Variants in NXPH1 observed in about 807,000 individuals in gnomAD.
The protein encoded by NXPH1 is neurexophilin 1.
In NXPH1, 5 loss-of-function variants were observed where a neutral mutation model predicts 23.7. The observed-to-expected ratio is 0.21, with a 90% CI of 0.11 to 0.44. NXPH1 has a LOEUF of 0.44. Ranked by LOEUF, NXPH1 falls within the 20% of genes least tolerant of loss-of-function variation. The pLI, the probability that NXPH1 is intolerant of heterozygous loss-of-function variation, is 0.99. For missense variants in NXPH1, 324 were observed against 321.6 expected (o/e 1.01, Z -0.06); for synonymous variants, 144 against 122.2 (o/e 1.18, Z -1.18).
chr7:8,721,185 A>ATT (rs1465296681), intron 2 of NXPH1, among the ~76,000 whole-genome samples: 1 of 152,202 alleles, frequency 6.6e-6, no homozygotes, highest in East Asian at 1.9e-4. Flanking sequence ...TTAAGGGTAA[A>ATT]TGGGCATGGT....
intron 2 of NXPH1, among the ~76,000 whole-genome samples, chr7:8,512,221 A>G (rs1817623360): frequency 6.6e-6 from 1 of 152,158 alleles, no homozygotes; most frequent in Non-Finnish European, 1.5e-5. Flanking sequence ...GCAAAGAATC[A>G]TGTGATAATC....
chr7:8,653,438 T>C (rs989714965), intron 2 of NXPH1, among the ~76,000 whole-genome samples: 3 of 152,196 alleles, frequency 2.0e-5, no homozygotes, highest in African/African-American at 4.8e-5. Flanking sequence ...TCGTAAGCTC[T>C]GGACAGAGAA....
chr7:8,641,723 A>T (rs765327867), intron 2 of NXPH1, among the ~76,000 whole-genome samples: 1 of 152,136 alleles, frequency 6.6e-6, no homozygotes, highest in Non-Finnish European at 1.5e-5. Flanking sequence ...TAATAGTTAC[A>T]TCTCATTTTA....
chr7:8,591,761 A>C (rs958028056), intron 2 of NXPH1, among the ~76,000 whole-genome samples: 1 of 151,904 alleles, frequency 6.6e-6, no homozygotes, highest in Admixed American at 6.6e-5. Flanking sequence ...TTTGTTGCTG[A>C]CAATTTTGAA....
chr7:8,654,491 A>G (rs1820542061), intron 2 of NXPH1, among the ~76,000 whole-genome samples: 1 of 152,204 alleles, frequency 6.6e-6, no homozygotes, highest in South Asian at 2.1e-4. Context: ...ATTATCATAT[A>G]GTGTCACAAT....
intron 2 of NXPH1, among the ~76,000 whole-genome samples, chr7:8,571,903 G>T (rs996837149): frequency 6.6e-6 from 1 of 151,304 alleles, no homozygotes; most frequent in Non-Finnish European, 1.5e-5. Context: ...AAAACACTTG[G>T]TTTGGAAGGA....
chr7:8,591,065 G>A lies in NXPH1; in HGVS notation c.54+155298G>A, dbSNP rs180878444. Among the ~76,000 whole-genome samples, 318 of 152,170 alleles carry A rather than the reference G, an allele frequency of 2.1e-3. 3 individuals are homozygous for A. Among genetic ancestry groups the A allele is most frequent in the African/African-American group, 7.2e-3 (299 of 41,550 alleles). ...CCAGGGAATAGCTTAGTTTAGAACAGCGTAAGAAAAGCAGAGAGGAGAAAA... is the reference window on the plus strand; with the variant it reads ...CCAGGGAATAGCTTAGTTTAGAACAACGTAAGAAAAGCAGAGAGGAGAAAA... On this transcript the variant is annotated intron_variant, in intron 2 of 2. Transcript: ENST00000405863.
At chr7:8,727,818 C>A (rs546281016) in intron 2 of NXPH1, among the ~76,000 whole-genome samples, 1 of 151,884 alleles carries the variant, frequency 6.6e-6, no homozygotes, top group Admixed American at 6.6e-5. Flanking sequence ...CTTGGTGATG[C>A]GGGCTCTTTT....
intron 2 of NXPH1, among the ~76,000 whole-genome samples, chr7:8,625,306 A>G (rs1242068860): frequency 6.6e-6 from 1 of 152,112 alleles, no homozygotes; most frequent in African/African-American, 2.4e-5. Flanking sequence ...AACTGAGGAG[A>G]TGATATATTA....
At chr7:8,627,223 C>G (rs1463488562) in intron 2 of NXPH1, among the ~76,000 whole-genome samples, 1 of 151,984 alleles carries the variant, frequency 6.6e-6, no homozygotes, top group Non-Finnish European at 1.5e-5. Context: ...ATTTACATAC[C>G]TGGGAACTCA....
At chr7:8,743,245 A>T (rs1417940989) in intron 2 of NXPH1, among the ~76,000 whole-genome samples, 1 of 152,198 alleles carries the variant, frequency 6.6e-6, no homozygotes, top group Non-Finnish European at 1.5e-5. Context: ...AAATTTTTCA[A>T]AGCAATCTTG....
chr7:8,457,276 T>G (rs960809731), intron 2 of NXPH1, among the ~76,000 whole-genome samples: 2 of 152,162 alleles, frequency 1.3e-5, no homozygotes, highest in Non-Finnish European at 2.9e-5. Flanking sequence ...ACTTCTCTGG[T>G]CTATGTAGCC....
rs144933697 is a variant in NXPH1, at chr7:8,580,104, G to T, written c.54+144337G>T. ...AGTTAAGGAGAACAAAGTAGGCTGA[G>T]GCCCTGAGGCCTGCTTCACTGGGGA... On this transcript the variant is annotated intron_variant, in intron 2 of 2. Transcript: ENST00000405863. Among the ~76,000 whole-genome samples, 50 of 152,310 alleles carry T rather than the reference G, an allele frequency of 3.3e-4. No individual in the cohort carries two copies. In the East Asian group the frequency reaches 8.9e-3, roughly 27 times the overall value.
chr7:8,577,155 G>A (rs1201569032), intron 2 of NXPH1, among the ~76,000 whole-genome samples: 3 of 152,132 alleles, frequency 2.0e-5, no homozygotes, highest in South Asian at 2.1e-4. Flanking sequence ...TAACATTCAC[G>A]GGAGTATCTA....
intron 2 of NXPH1, among the ~76,000 whole-genome samples, chr7:8,513,768 T>C (rs531967879): frequency 6.6e-5 from 10 of 152,234 alleles, no homozygotes; most frequent in Non-Finnish European, 1.5e-4. Context: ...CTATGTCCTA[T>C]GGTTTGTCAG....
At chr7:8,529,834 G>A (rs1382737378) in intron 2 of NXPH1, among the ~76,000 whole-genome samples, 2 of 151,976 alleles carry the variant, frequency 1.3e-5, no homozygotes, top group Non-Finnish European at 2.9e-5. Context: ...ATTACATTAA[G>A]CTGAGAATGG....
chr7:8,653,358 C>T (rs895019596), intron 2 of NXPH1, among the ~76,000 whole-genome samples: 1 of 152,162 alleles, frequency 6.6e-6, no homozygotes, highest in African/African-American at 2.4e-5. Context: ...CCACTTTTTA[C>T]TCTTGCGTTG....
At chr7:8,742,221 C>A (rs377706103) in intron 2 of NXPH1, among the ~76,000 whole-genome samples, 2 of 152,052 alleles carry the variant, frequency 1.3e-5, no homozygotes, top group African/African-American at 2.4e-5. Flanking sequence ...CTCATTTTAT[C>A]CTATATGAAC....
At chr7:8,663,226 C>G (rs940341711) in intron 2 of NXPH1, among the ~76,000 whole-genome samples, 2 of 152,088 alleles carry the variant, frequency 1.3e-5, no homozygotes, top group Non-Finnish European at 2.9e-5. Flanking sequence ...TGGTAGACAT[C>G]AGGGTCCCCC....
Sources: gnomAD v4.1 joint callset for allele counts (sites outside exome capture counted in the v4.1 genomes callset) on GRCh38, gnomAD v4.1.1 for gene constraint, MANE v1.5 for transcripts, NCBI Gene and HGNC (gene_info 2026-07-23, HGNC 2026-07-21) for gene names.